Variants in PLD5 observed in about 807,000 individuals in gnomAD.
The protein encoded by PLD5 is inactive phospholipase D5.
In PLD5, 36 loss-of-function variants were observed where a neutral mutation model predicts 61.1. The ratio of observed to expected loss-of-function variants is 0.59; its 90% CI spans 0.45 to 0.78. The LOEUF (loss-of-function observed/expected upper bound fraction) is 0.78. Ranked by LOEUF, PLD5 falls within the 30% of genes least tolerant of loss-of-function variation. PLD5 has a pLI of 0.00. For missense variants in PLD5, 515 were observed against 644.4 expected (o/e 0.80, Z 2.17); for synonymous variants, 243 against 242.8 (o/e 1.00, Z -0.01).
rs182529213 is a variant in PLD5, at chr1:242,410,968, G to C, written c.190-62726C>G. 4.0e-3 allele frequency among the ~76,000 whole-genome samples: 584 copies of C among 147,656 alleles called. 4 individuals are homozygous for C. Among genetic ancestry groups the C allele is most frequent in the African/African-American group, 0.014 (555 of 39,956 alleles). Reference sequence around the variant, plus strand: ...TTTTACCAATAATCGAAAAAAAAAAGAAAAAAGTATTTTTAAAAGACCATT... The same window carrying C: ...TTTTACCAATAATCGAAAAAAAAAACAAAAAAGTATTTTTAAAAGACCATT... On this transcript the variant is annotated intron_variant, in intron 1 of 9. Coordinates refer to ENST00000536534, the MANE Select transcript of PLD5 (RefSeq NM_001372062.1).
chr1:242,144,178 A>AT (rs201274124), intron 5 of PLD5, among the ~76,000 whole-genome samples: 13 of 121,198 alleles, frequency 1.1e-4, no homozygotes, highest in Non-Finnish European at 2.2e-4. Context: ...CTCAAATTTT[A>AT]TTTTTTTAAA....
intron 1 of PLD5, among the ~76,000 whole-genome samples, chr1:242,430,131 C>T (rs955374195): frequency 7.2e-5 from 11 of 151,848 alleles, no homozygotes; most frequent in African/African-American, 2.4e-4. Flanking sequence ...CAAGCTCCTG[C>T]ATGGATGTCG....
chr1:242,332,382 G>A (rs1465432634), intron 2 of PLD5, among the ~76,000 whole-genome samples: 1 of 152,082 alleles, frequency 6.6e-6, no homozygotes, highest in Non-Finnish European at 1.5e-5. Context: ...GATTTATAAT[G>A]CTTTGGGTAT....
At chr1:242,172,020 C>T (rs1666787789) in intron 5 of PLD5, among the ~76,000 whole-genome samples, 1 of 151,388 alleles carries the variant, frequency 6.6e-6, no homozygotes, top group Admixed American at 6.6e-5. Context: ...AGGACTTTAA[C>T]TCCAAGCGGA....
At chr1:242,471,769 T>G (rs943204397) in intron 1 of PLD5, among the ~76,000 whole-genome samples, 5 of 152,142 alleles carry the variant, frequency 3.3e-5, no homozygotes, top group African/African-American at 1.2e-4. Context: ...GTGAGAGTAT[T>G]TCCTACAACA....
At chr1:242,458,412 C>T (rs1338532499) in intron 1 of PLD5, among the ~76,000 whole-genome samples, 2 of 152,180 alleles carry the variant, frequency 1.3e-5, no homozygotes, top group African/African-American at 2.4e-5. Flanking sequence ...GACAACCCTC[C>T]CCTATTATAT....
chr1:242,373,331 A>G (rs1202270934), intron 1 of PLD5, among the ~76,000 whole-genome samples: 1 of 152,196 alleles, frequency 6.6e-6, no homozygotes, highest in African/African-American at 2.4e-5. Context: ...GAGAAACAGG[A>G]ACACTTTTAC....
intron 1 of PLD5, among the ~76,000 whole-genome samples, chr1:242,366,512 C>G (rs556903697): frequency 6.6e-6 from 1 of 152,094 alleles, no homozygotes; most frequent in Non-Finnish European, 1.5e-5. Flanking sequence ...TGATTCATTC[C>G]TTTTCAAGGA....
intron 1 of PLD5, among the ~76,000 whole-genome samples, chr1:242,356,640 T>G (rs994318599): frequency 4.0e-5 from 6 of 151,634 alleles, no homozygotes; most frequent in Non-Finnish European, 7.4e-5. Context: ...TCTTTCTTCC[T>G]GTCTTGTTGT....
At chr1:242,471,285 A>G (rs186231979) in intron 1 of PLD5, among the ~76,000 whole-genome samples, 3 of 42,720 alleles carry the variant, frequency 7.0e-5, no homozygotes, top group East Asian at 3.3e-4. Flanking sequence ...ATAATTTTGG[A>G]AAAAAAATCA....
chr1:242,430,063 A>G (rs909052954), intron 1 of PLD5, among the ~76,000 whole-genome samples: 3 of 152,074 alleles, frequency 2.0e-5, no homozygotes, highest in Admixed American at 6.6e-5. Context: ...CTTAGGCTCC[A>G]CAAGTCTTTA....
At chr1:242,341,180 C>T (rs912963510) in intron 2 of PLD5, among the ~76,000 whole-genome samples, 2 of 151,460 alleles carry the variant, frequency 1.3e-5, no homozygotes, top group South Asian at 2.1e-4. Context: ...CTCTCACTGG[C>T]CAAGTAGTGA....
In PLD5 at chr1:242,089,859, C is replaced by T. The variant is rs376520582; in HGVS notation, c.1606G>A (p.Val536Ile). 1.2e-4 allele frequency: 186 copies of T among 1,614,086 alleles called. 3 individuals carry two copies. The South Asian group carries it at 1.5e-3, about 13-fold the overall frequency. ...CTGTCAGTTTCTTCATCATGTTATA[C>T]GTTCCGGGGATCCTTTCCGCCTGTG... ...DDTGGKDPRN[V>I] is the part of the protein sequence containing the mutation. Residue 536 changes from valine to isoleucine, a missense_variant, in exon 10 of 10, where the codon GTA becomes ATA. Coordinates refer to ENST00000536534, the MANE Select transcript of PLD5 (RefSeq NM_001372062.1).
intron 2 of PLD5, among the ~76,000 whole-genome samples, chr1:242,292,742 T>G (rs957544280): frequency 9.2e-5 from 14 of 152,244 alleles, no homozygotes; most frequent in African/African-American, 3.1e-4. Context: ...TTTCCTCCTG[T>G]GGTATGGTTA....
At chr1:242,113,806 T>C (rs1661730585) in intron 7 of PLD5, 84 bp downstream of exon 7, 2 of 1,468,578 alleles carry the variant, frequency 1.4e-6, no homozygotes, top group African/African-American at 2.8e-5. Context: ...CATCTCCATT[T>C]CCAGGCTGGC....
chr1:242,499,115 A>G (rs1047428127), intron 1 of PLD5, among the ~76,000 whole-genome samples: 4 of 152,202 alleles, frequency 2.6e-5, no homozygotes, highest in African/African-American at 4.8e-5. Context: ...AGTATTTGAC[A>G]GTATTATTTT....
intron 2 of PLD5, among the ~76,000 whole-genome samples, chr1:242,340,621 C>T (rs1042944040): frequency 2.6e-5 from 4 of 152,082 alleles, no homozygotes; most frequent in Non-Finnish European, 4.4e-5. Flanking sequence ...CAAAGGTACT[C>T]ACATTAACAT....
At chr1:242,396,673 C>CTTTTTTTTTTTTTTTTTTTT (rs1202041198) in intron 1 of PLD5, among the ~76,000 whole-genome samples, 1 of 129,544 alleles carries the variant, frequency 7.7e-6, no homozygotes, top group Non-Finnish European at 1.7e-5. Context: ...CTTTTCTTTT[C>CTTTTTTTTTTTTTTTTTTTT]TTTTTTTTTT....
At chr1:242,101,645 G>A (rs920872268) in intron 8 of PLD5, among the ~76,000 whole-genome samples, 17 of 152,296 alleles carry the variant, frequency 1.1e-4, no homozygotes, top group African/African-American at 3.4e-4. Context: ...CTATAGAATC[G>A]TGTATTTAAA....
Sources: allele counts gnomAD v4.1 joint callset (sites outside exome capture counted in the v4.1 genomes callset), GRCh38; gene constraint gnomAD v4.1.1; transcripts MANE v1.5; gene names NCBI Gene and HGNC (gene_info 2026-07-23, HGNC 2026-07-21).